The following PPEF1 variants were observed in gnomAD, a reference collection of about 807,000 sequenced individuals.
PPEF1 encodes the protein serine/threonine-protein phosphatase with EF-hands 1.
Under a neutral mutation model 53.3 loss-of-function variants are expected in PPEF1, and 12 were observed. That is an observed-to-expected ratio of 0.23 (90% CI 0.14 to 0.36). PPEF1 has a LOEUF of 0.36. Among genes scored for constraint, PPEF1 ranks in the 10% least tolerant of loss-of-function variants. The pLI is 1.00. For synonymous variants in PPEF1, 165 were observed against 176.7 expected, an observed-to-expected ratio of 0.93 and a Z score of 0.52; for missense variants, 334 against 490.4, an observed-to-expected ratio of 0.68 and a Z score of 3.01.
At chrX:18,734,476 G>T (rs1477959190) in intron 3 of PPEF1, among the ~76,000 whole-genome samples, 2 of 110,917 alleles carry the variant, frequency 1.8e-5, no homozygotes, top group South Asian at 3.9e-4. Context: ...TTTAATGACT[G>T]CATAGTATTC....
chrX:18,802,973 A>C (rs5909090), intron 10 of PPEF1, among the ~76,000 whole-genome samples: 2 of 109,858 alleles, frequency 1.8e-5, no homozygotes, highest in African/African-American at 6.6e-5. Context: ...AGACCAGCTC[A>C]GTAGGGGAGA....
rs58697941 is a variant in PPEF1, at chrX:18,826,417, C to CTTTTTTTTTTTT, written c.1750+599_1750+610dup. Among the ~76,000 whole-genome samples, 11 of 24,626 alleles carry CTTTTTTTTTTTT rather than the reference C, an allele frequency of 4.5e-4. 4 individuals carry two copies. The highest frequency in any genetic ancestry group is 2.3e-3 in the African/African-American group (11 of 4,821). 21.4% of individuals were successfully genotyped at this position (24,626 alleles called of 115,157 possible). ...AAGGGCTATGAAAAGTCATTTTCTGCTTTTTTTTTTTTTTTTTTTTTTTTT... is the reference window on the plus strand; with the variant it reads ...AAGGGCTATGAAAAGTCATTTTCTGCTTTTTTTTTTTTTTTTTTTTTTTTTTTTTTTTTTTTT... On this transcript the variant is annotated intron_variant, in intron 15 of 15. Coordinates refer to ENST00000470157, the MANE Select transcript of PPEF1 (RefSeq NM_001377996.1).
chrX:18,691,691 G>A (rs1282703812), intron 4 of PPEF1: 2 of 112,018 alleles, frequency 1.8e-5, no homozygotes, highest in African/African-American at 6.5e-5. Context: ...CATGTAAAAC[G>A]TAAGCACATA....
intron 6 of PPEF1, among the ~76,000 whole-genome samples, chrX:18,773,886 C>T (rs1473528558): frequency 9.0e-6 from 1 of 111,327 alleles, no homozygotes; most frequent in Non-Finnish European, 1.9e-5. Context: ...CTAGCTATTG[C>T]TCATACCATA....
intron 3 of PPEF1, among the ~76,000 whole-genome samples, chrX:18,739,027 C>CT (rs1458887510): frequency 8.9e-6 from 1 of 112,032 alleles, no homozygotes; most frequent in Non-Finnish European, 1.9e-5. Context: ...AGCCATTCGT[C>CT]TAATCTTTTT....
At chrX:18,676,300 C>A (rs1313780417) in intron 1 of PPEF1, among the ~76,000 whole-genome samples, 1 of 111,306 alleles carries the variant, frequency 9.0e-6, no homozygotes, top group Non-Finnish European at 1.9e-5. Flanking sequence ...CAATGTTATG[C>A]CCATCTTCCA....
chrX:18,676,748 C>T (rs562955166), intron 1 of PPEF1, among the ~76,000 whole-genome samples: 2 of 111,995 alleles, frequency 1.8e-5, no homozygotes, highest in African/African-American at 3.2e-5. Flanking sequence ...TGGATGGTGT[C>T]TCTAGGAAAT....
chrX:18,709,825 A>G (rs1415342753), intron 1 of PPEF1, among the ~76,000 whole-genome samples: 1 of 111,915 alleles, frequency 8.9e-6, no homozygotes, highest in Non-Finnish European at 1.9e-5. Flanking sequence ...TGTTATGAAC[A>G]ATGCTGCTGT....
intron 1 of PPEF1, among the ~76,000 whole-genome samples, chrX:18,717,550 C>G (rs995893205): frequency 1.8e-5 from 2 of 110,515 alleles, no homozygotes; most frequent in African/African-American, 3.3e-5. Context: ...TGATCCCAGC[C>G]CAGGGAAGAT....
At chrX:18,727,898 C>CA (rs1236774774) in intron 1 of PPEF1, among the ~76,000 whole-genome samples, 1 of 111,961 alleles carries the variant, frequency 8.9e-6, no homozygotes, top group Non-Finnish European at 1.9e-5. Flanking sequence ...GGGGAAGGGG[C>CA]AGGCCACCCT....
chrX:18,786,569 G>C (rs918247503), intron 9 of PPEF1, among the ~76,000 whole-genome samples: 1 of 110,241 alleles, frequency 9.1e-6, no homozygotes. Context: ...GATCACTTGA[G>C]GGTAGGAATT....
intron 6 of PPEF1, among the ~76,000 whole-genome samples, chrX:18,776,123 TTCC>T (rs1435543922): frequency 8.9e-6 from 1 of 112,342 alleles, no homozygotes; most frequent in African/African-American, 3.2e-5. Context: ...AGTCCTCAGG[TTCC>T]TCTAGCTTAC....
rs185763698 is a variant in PPEF1 at position 18,808,094 on chromosome X, G to A, written c.1394+1549G>A. 6.3e-4 allele frequency among the ~76,000 whole-genome samples: 68 copies of A among 107,466 alleles called. No individual in the cohort carries two copies. The Admixed American group carries it at 6.8e-3, about 11-fold the overall frequency. The allele number at this position is 107,466 out of a possible 115,157, so 93.3% of individuals were successfully genotyped here. On this transcript the variant is annotated intron_variant, in intron 12 of 15. Coordinates refer to ENST00000470157, the MANE Select transcript of PPEF1 (RefSeq NM_001377996.1). ...CAATTCTCCTGCCTCAGCCTCCCAAGTAGCTGGGACTACAGGTGCACGCCA... is the reference window on the plus strand; with the variant it reads ...CAATTCTCCTGCCTCAGCCTCCCAAATAGCTGGGACTACAGGTGCACGCCA...
upstream of PPEF1, among the ~76,000 whole-genome samples, chrX:18,680,837 A>G (rs540972093): frequency 1.3e-4 from 12 of 93,866 alleles, no homozygotes; most frequent in Non-Finnish European, 1.8e-4. Flanking sequence ...TCATTGTTCA[A>G]TTCCCACTTA....
At chrX:18,681,079 G>A (rs1021937304), upstream of PPEF1, among the ~76,000 whole-genome samples, 4 of 111,262 alleles carry the variant, frequency 3.6e-5, no homozygotes, top group Non-Finnish European at 3.8e-5. Context: ...ATAAACATAC[G>A]TGTGCATGTG....
chrX:18,688,218 C>G (rs751044152), intron 3 of PPEF1, among the ~76,000 whole-genome samples: 1 of 111,991 alleles, frequency 8.9e-6, no homozygotes, highest in African/African-American at 3.2e-5. Flanking sequence ...AACCTTCTCA[C>G]GAAAACCAAA....
intron 1 of PPEF1, among the ~76,000 whole-genome samples, chrX:18,719,091 T>C (rs1336046525): frequency 1.8e-5 from 2 of 112,187 alleles, no homozygotes; most frequent in Non-Finnish European, 3.8e-5. Context: ...TTTAAAATGA[T>C]AGGAATTCTT....
chrX:18,798,050 G>A (rs544318484), intron 10 of PPEF1, among the ~76,000 whole-genome samples: 1 of 110,201 alleles, frequency 9.1e-6, no homozygotes, highest in Admixed American at 9.7e-5. Context: ...AGGAGAACAG[G>A]AAAACTGGAC....
At chrX:18,808,277 T>C (rs2046725914) in intron 12 of PPEF1, among the ~76,000 whole-genome samples, 1 of 110,967 alleles carries the variant, frequency 9.0e-6, no homozygotes, top group African/African-American at 3.3e-5. Flanking sequence ...ACGTATATTT[T>C]TTAAAGAAAG....
Sources: allele counts gnomAD v4.1 joint callset (sites outside exome capture counted in the v4.1 genomes callset), GRCh38; gene constraint gnomAD v4.1.1; transcripts MANE v1.5; gene names NCBI Gene and HGNC (gene_info 2026-07-23, HGNC 2026-07-21).